The following PHACTR1 variants were observed in gnomAD, a reference collection of about 807,000 sequenced individuals.
The protein encoded by PHACTR1 is RPEL repeat containing 1.
Under a neutral mutation model 69.2 loss-of-function variants are expected in PHACTR1, and 16 were observed. The ratio of observed to expected loss-of-function variants is 0.23; its 90% CI spans 0.16 to 0.35. The LOEUF (loss-of-function observed/expected upper bound fraction) is 0.35, where lower values mean the gene tolerates loss of function less well. Ranked by LOEUF, PHACTR1 falls within the 10% of genes least tolerant of loss-of-function variation. The probability of loss-of-function intolerance (pLI) is 1.00; values close to 1 mark genes in which losing one functional copy is unlikely to be tolerated. For synonymous variants in PHACTR1, 312 were observed against 284.5 expected (o/e 1.10, Z -0.97); for missense variants, 510 against 734.7 (o/e 0.69, Z 3.54).
chr6:12,737,767 A>T (rs1764491778), intron 3 of PHACTR1, among the ~76,000 whole-genome samples: 1 of 151,838 alleles, frequency 6.6e-6, no homozygotes. Context: ...GCTAATTTTT[A>T]AAATTTTTTA....
At chr6:12,800,565 G>A (rs773556136) in intron 4 of PHACTR1, among the ~76,000 whole-genome samples, 1 of 152,052 alleles carries the variant, frequency 6.6e-6, no homozygotes, top group Non-Finnish European at 1.5e-5. Flanking sequence ...TGAGCTATTC[G>A]ATCTAGAAAA....
At chr6:12,934,394 T>G (rs986167391) in intron 4 of PHACTR1, among the ~76,000 whole-genome samples, 2 of 152,210 alleles carry the variant, frequency 1.3e-5, no homozygotes, top group African/African-American at 4.8e-5. Flanking sequence ...TGTCAACATA[T>G]CTTTTGGGAG....
Position 13,179,452 on chromosome 6 carries a change from AT to A in PHACTR1, c.497-3066del, listed in dbSNP as rs1561948890. 3.4e-5 allele frequency among the ~76,000 whole-genome samples: 4 copies of A among 118,204 alleles called. No homozygotes were observed. The highest frequency in any genetic ancestry group is 4.5e-4 in the South Asian group (2 of 4,404). 77.5% of individuals were successfully genotyped at this position (118,204 alleles called of 152,430 possible). On this transcript the variant is annotated intron_variant, in intron 6 of 14. Transcript: ENST00000332995. The surrounding 1 kb of genome is among the most constrained non-coding windows in gnomAD (Gnocchi z 4.2). ...TGTGTGTGTGTGTGTGTGTTTAAAAATGTCATAATAAAAAATTTAAAATATT... is the reference window on the plus strand; with the variant it reads ...TGTGTGTGTGTGTGTGTGTTTAAAAAGTCATAATAAAAAATTTAAAATATT...
intron 4 of PHACTR1, among the ~76,000 whole-genome samples, chr6:12,931,491 A>T (rs565871290): frequency 6.6e-6 from 1 of 152,220 alleles, no homozygotes; most frequent in South Asian, 2.1e-4. Context: ...ATGTCCAGAG[A>T]CCCAAAATAA....
At chr6:13,268,477 T>G (rs1329417579) in intron 10 of PHACTR1, among the ~76,000 whole-genome samples, 1 of 152,234 alleles carries the variant, frequency 6.6e-6, no homozygotes, top group Admixed American at 6.5e-5. Context: ...ACTTTGCAAC[T>G]GGAATTCAGT....
At chr6:12,813,524 C>G (rs751001166) in intron 4 of PHACTR1, among the ~76,000 whole-genome samples, 1 of 152,192 alleles carries the variant, frequency 6.6e-6, no homozygotes, top group Non-Finnish European at 1.5e-5. Flanking sequence ...CACCAAGTCC[C>G]TCTGCCATTA....
chr6:13,243,621 C>T (rs987937377), intron 10 of PHACTR1, among the ~76,000 whole-genome samples: 19 of 151,996 alleles, frequency 1.3e-4, no homozygotes, highest in African/African-American at 3.6e-4. Context: ...CAAGGGTACA[C>T]GTACAGGTTT....
chr6:13,151,205 C>T (rs1824254006), intron 5 of PHACTR1, among the ~76,000 whole-genome samples: 1 of 152,298 alleles, frequency 6.6e-6, no homozygotes, highest in South Asian at 2.1e-4. Context: ...CTTTCTATTC[C>T]CTTCAGAATG....
intron 4 of PHACTR1, among the ~76,000 whole-genome samples, chr6:12,985,062 T>C (rs1795970891): frequency 6.6e-6 from 1 of 152,256 alleles, no homozygotes; most frequent in South Asian, 2.1e-4. Flanking sequence ...CTAGTATATA[T>C]AGATACAATT....
At chr6:12,719,310 G>A (rs9472422) in intron 3 of PHACTR1, among the ~76,000 whole-genome samples, 48,758 of 152,028 alleles carry the variant, frequency 0.32, 8,677 homozygotes, top group Middle Eastern at 0.48. Context: ...TTCAGTTACC[G>A]CCTCAGATAA....
In PHACTR1 at chr6:13,002,444, T is replaced by C. The variant is rs140289585; in HGVS notation, c.251-50921T>C. ...ATTTGTTAACAAAACGTAGGAAAAA[T>C]TTTAGGAGAAAGCATTTCCTATGAT... On this transcript the variant is annotated intron_variant, in intron 4 of 14. Transcript: ENST00000332995. Among the ~76,000 whole-genome samples the C allele has an allele frequency of 4.8e-3, 734 of 152,286 alleles. 6 individuals carry two copies. Among genetic ancestry groups the C allele is most frequent in the African/African-American group, 0.016 (664 of 41,558 alleles).
chr6:12,947,887 A>G (rs1033038088), intron 4 of PHACTR1, among the ~76,000 whole-genome samples: 15 of 152,284 alleles, frequency 9.9e-5, no homozygotes, highest in African/African-American at 3.6e-4. Flanking sequence ...TCACATTTGT[A>G]TATCCTACAG....
At chr6:13,061,948 T>C (rs370329418) in intron 5 of PHACTR1, among the ~76,000 whole-genome samples, 15 of 152,324 alleles carry the variant, frequency 9.8e-5, no homozygotes, top group African/African-American at 3.6e-4. Flanking sequence ...ACCCACCTAA[T>C]ATAGGTAAAG....
intron 4 of PHACTR1, among the ~76,000 whole-genome samples, chr6:13,015,060 G>T (rs1436827582): frequency 6.6e-6 from 1 of 152,218 alleles, no homozygotes; most frequent in Non-Finnish European, 1.5e-5. Flanking sequence ...CCGACCTGAA[G>T]CTCGTCTCCA....
intron 4 of PHACTR1, among the ~76,000 whole-genome samples, chr6:12,776,794 T>G (rs12191395): frequency 0.025 from 3,822 of 152,324 alleles, 106 homozygotes; most frequent in Non-Finnish European, 0.041. Flanking sequence ...TTCTTACTGC[T>G]CACTTATAGA....
At chr6:13,149,536 C>T (rs181144890) in intron 5 of PHACTR1, among the ~76,000 whole-genome samples, 1 of 152,254 alleles carries the variant, frequency 6.6e-6, no homozygotes, top group East Asian at 1.9e-4. Flanking sequence ...AAGAATTTAT[C>T]CAGGCTCACT....
chr6:13,013,325 T>C (rs1335469711), intron 4 of PHACTR1, among the ~76,000 whole-genome samples: 4 of 152,234 alleles, frequency 2.6e-5, no homozygotes, highest in Admixed American at 6.5e-5. Context: ...TTGTAACAGG[T>C]TGTCTGCTCC....
At chr6:12,784,690 A>G (rs1465931159) in intron 4 of PHACTR1, among the ~76,000 whole-genome samples, 1 of 151,614 alleles carries the variant, frequency 6.6e-6, no homozygotes, top group Non-Finnish European at 1.5e-5. Flanking sequence ...CCACACGTGT[A>G]TATATATGTA....
At chr6:13,205,790 G>T (rs1387831575) in intron 7 of PHACTR1, 25 bp from the exon 8 acceptor site, 6 of 1,554,062 alleles carry the variant, frequency 3.9e-6, no homozygotes, top group Non-Finnish European at 5.2e-6. Context: ...ACTCACATCT[G>T]CCTCTCGCCC....
Sources: gnomAD v4.1 joint callset for allele counts (sites outside exome capture counted in the v4.1 genomes callset) on GRCh38, gnomAD v4.1.1 for gene constraint, Gnocchi (gnomAD v3.1) non-coding constraint, MANE v1.5 for transcripts, NCBI Gene and HGNC (gene_info 2026-07-23, HGNC 2026-07-21) for gene names.